TGFBR2: variants seen among roughly 807,000 people sequenced by gnomAD.
TGFBR2 encodes the protein TGF-beta receptor type-2.
A neutral mutation model predicts 49.0 loss-of-function variants in TGFBR2; 18 were observed. The ratio of observed to expected loss-of-function variants is 0.37; its 90% CI spans 0.25 to 0.54. The LOEUF is 0.54. Ranked by LOEUF, TGFBR2 falls within the 20% of genes least tolerant of loss-of-function variation. The pLI is 0.85. For missense variants in TGFBR2, 525 were observed against 722.6 expected, an observed-to-expected ratio of 0.73 and a Z score of 3.13; for synonymous variants, 282 against 275.9, an observed-to-expected ratio of 1.02 and a Z score of -0.22.
At position 30,693,264 on chromosome 3, in the gene TGFBR2, C is replaced by T. The variant is rs1159998029; in HGVS notation, c.*1665C>T. 8.6e-6 allele frequency: 2 copies of T among 233,606 alleles called. No homozygotes were observed. Among genetic ancestry groups the T allele is most frequent in the Non-Finnish European group, 1.7e-5 (2 of 118,022 alleles). 14.5% of individuals were successfully genotyped at this position (233,606 alleles called of 1,614,324 possible). ...CTCTCCATCATGCCAGCCTTCTCAACCTTTGCAGAAATTACTAGAGAGGAT... is the reference window on the plus strand; with the variant it reads ...CTCTCCATCATGCCAGCCTTCTCAATCTTTGCAGAAATTACTAGAGAGGAT... On this transcript the variant is annotated 3_prime_UTR_variant, in exon 7 of 7. Coordinates refer to ENST00000295754, the MANE Select transcript of TGFBR2 (RefSeq NM_003242.6).
intron 1 of TGFBR2, 95 bp from the exon 2 acceptor site, chr3:30,644,652 C>T: frequency 8.4e-7 from 1 of 1,193,360 alleles, no homozygotes; most frequent in South Asian, 1.3e-5. Context: ...CTCATGACAT[C>T]AAGTTCATTT....
intron 1 of TGFBR2, chr3:30,623,192 T>C (rs1386890539): frequency 8.4e-6 from 12 of 1,436,702 alleles, no homozygotes; most frequent in African/African-American, 1.4e-5. Flanking sequence ...ATTATCCTGT[T>C]TTACAGATGT....
intron 2 of TGFBR2, among the ~76,000 whole-genome samples, chr3:30,646,748 G>A (rs563659816): frequency 3.3e-5 from 5 of 152,228 alleles, no homozygotes; most frequent in Admixed American, 2.6e-4. Flanking sequence ...GCTTCCTTCC[G>A]TGGTTTCTTA....
intron 1 of TGFBR2, among the ~76,000 whole-genome samples, chr3:30,608,647 G>A (rs561898347): frequency 6.6e-6 from 1 of 152,234 alleles, no homozygotes; most frequent in South Asian, 2.1e-4. Flanking sequence ...AAAAATTATG[G>A]CATACATTGA....
intron 3 of TGFBR2, among the ~76,000 whole-genome samples, chr3:30,656,196 G>A (rs568945515): frequency 6.6e-6 from 1 of 152,340 alleles, no homozygotes; most frequent in African/African-American, 2.4e-5. Context: ...CAGTCAGCTT[G>A]TGTAACAGAG....
chr3:30,624,993 CTG>C (rs940846400), intron 1 of TGFBR2, among the ~76,000 whole-genome samples: 1 of 152,128 alleles, frequency 6.6e-6, no homozygotes, highest in Non-Finnish European at 1.5e-5. Flanking sequence ...TTTCTTCAAA[CTG>C]TAATAAATTT....
intron 5 of TGFBR2, among the ~76,000 whole-genome samples, chr3:30,685,820 T>C (rs1328097609): frequency 1.3e-5 from 2 of 152,226 alleles, no homozygotes; most frequent in African/African-American, 4.8e-5. Context: ...TGGCCCTAGC[T>C]TGGTCAAGGG....
chr3:30,632,420 GT>G (rs1284189942), intron 1 of TGFBR2, among the ~76,000 whole-genome samples: 2 of 152,132 alleles, frequency 1.3e-5, no homozygotes, highest in Non-Finnish European at 2.9e-5. Context: ...AGATTATTTG[GT>G]TCTAGATCCT....
At chr3:30,612,126 A>G (rs1330115111) in intron 1 of TGFBR2, among the ~76,000 whole-genome samples, 1 of 152,198 alleles carries the variant, frequency 6.6e-6, no homozygotes, top group African/African-American at 2.4e-5. Flanking sequence ...CTGGACAGGC[A>G]AATTGTCTCA....
chr3:30,612,512 A>G (rs531859064), intron 1 of TGFBR2, among the ~76,000 whole-genome samples: 3 of 152,316 alleles, frequency 2.0e-5, no homozygotes, highest in East Asian at 1.9e-4. Context: ...GTTTGCTTGC[A>G]TTATCTGCCT....
intron 5 of TGFBR2, among the ~76,000 whole-genome samples, chr3:30,680,362 G>A (rs1451049421): frequency 6.6e-6 from 1 of 152,128 alleles, no homozygotes; most frequent in Non-Finnish European, 1.5e-5. Context: ...CTTAAAATTT[G>A]AGATAACTGT....
At chr3:30,682,761 T>A (rs1297707533) in intron 5 of TGFBR2, among the ~76,000 whole-genome samples, 2 of 152,306 alleles carry the variant, frequency 1.3e-5, no homozygotes, top group Non-Finnish European at 2.9e-5. Flanking sequence ...CTCTTTGTAA[T>A]TGTTTTTTTG....
intron 1 of TGFBR2, among the ~76,000 whole-genome samples, chr3:30,630,560 A>G (rs1698416023): frequency 6.6e-6 from 1 of 152,158 alleles, no homozygotes; most frequent in Admixed American, 6.5e-5. Flanking sequence ...ATCTATCTTG[A>G]CTTTTCCACA....
chr3:30,626,868 A>G (rs1698340927), intron 1 of TGFBR2: 1 of 152,212 alleles, frequency 6.6e-6, no homozygotes, highest in African/African-American at 2.4e-5. Context: ...GGTGGTAGGA[A>G]AGCCAGCAAT....
rs750980165 is a variant in TGFBR2 at position 30,691,379 on chromosome 3, C to T, written c.1525-41C>T. On this transcript the variant is annotated intron_variant, in intron 6 of 6. Transcript: ENST00000295754. ...AGGCCACCTTGCCTTCCGCGGAGCC[C>T]ACCAACTCATGGTGCCCTTTGGATC... 11 of 1,611,672 alleles carry T rather than the reference C, an allele frequency of 6.8e-6. No homozygotes were observed. The African/African-American group carries it at 1.2e-4, about 18-fold the overall frequency.
At chr3:30,668,061 A>T (rs966859525) in intron 3 of TGFBR2, among the ~76,000 whole-genome samples, 1 of 152,180 alleles carries the variant, frequency 6.6e-6, no homozygotes, top group Non-Finnish European at 1.5e-5. Flanking sequence ...ATGGGGATGG[A>T]AATCATTCTT....
intron 1 of TGFBR2, among the ~76,000 whole-genome samples, chr3:30,625,997 C>T (rs894302471): frequency 1.3e-5 from 2 of 152,184 alleles, no homozygotes; most frequent in South Asian, 2.1e-4. Context: ...TTAGGATCAC[C>T]TGCGAACTTC....
intron 3 of TGFBR2, among the ~76,000 whole-genome samples, chr3:30,670,286 T>A (rs555910544): frequency 6.6e-6 from 1 of 152,312 alleles, no homozygotes; most frequent in Non-Finnish European, 1.5e-5. Context: ...TCCACTAATA[T>A]ATAGATTACA....
chr3:30,628,929 A>C (rs1698387269), intron 1 of TGFBR2, among the ~76,000 whole-genome samples: 1 of 152,140 alleles, frequency 6.6e-6, no homozygotes, highest in African/African-American at 2.4e-5. Flanking sequence ...CAGTCATTTA[A>C]TACGAGACTC....
Sources: allele counts gnomAD v4.1 joint callset (sites outside exome capture counted in the v4.1 genomes callset), GRCh38; gene constraint gnomAD v4.1.1; transcripts MANE v1.5; gene names NCBI Gene and HGNC (gene_info 2026-07-23, HGNC 2026-07-21).